Variants in EPHA6 observed in about 807,000 individuals in gnomAD.
EPHA6 encodes the protein EPH receptor A6.
In EPHA6, 50 loss-of-function variants were observed where a neutral mutation model predicts 112.0. The observed-to-expected ratio is 0.45, with a 90% CI of 0.36 to 0.56. The LOEUF is 0.56. Ranked by LOEUF, EPHA6 falls within the 20% of genes least tolerant of loss-of-function variation. EPHA6 has a pLI of 0.00. For missense variants in EPHA6, 1,280 were observed against 1,417.4 expected, an observed-to-expected ratio of 0.90 and a Z score of 1.56; for synonymous variants, 529 against 490.7, an observed-to-expected ratio of 1.08 and a Z score of -1.03.
chr3:97,208,288 G>C (rs1046306222), intron 3 of EPHA6, among the ~76,000 whole-genome samples: 12 of 152,088 alleles, frequency 7.9e-5, no homozygotes, highest in Non-Finnish European at 1.5e-4. Flanking sequence ...GTTGATCAAA[G>C]TTTTGGCAAG....
intron 10 of EPHA6, among the ~76,000 whole-genome samples, chr3:97,491,606 T>C (rs1158756024): frequency 7.9e-6 from 1 of 125,894 alleles, no homozygotes; most frequent in Non-Finnish European, 1.6e-5. Context: ...AGTCTCTCCT[T>C]GTAAGGGTAT....
chr3:97,677,497 G>A (rs1160206115), intron 14 of EPHA6, among the ~76,000 whole-genome samples: 1 of 151,938 alleles, frequency 6.6e-6, no homozygotes, highest in Non-Finnish European at 1.5e-5. Context: ...AAGGTGGGCG[G>A]ATCACCTGAG....
chr3:97,735,790 ATT>A (rs2035226877), intron 15 of EPHA6, 133 bp from the exon 16 acceptor site: 1 of 580,822 alleles, frequency 1.7e-6, no homozygotes, highest in Non-Finnish European at 2.9e-6. Context: ...ATTTATCCTT[ATT>A]TAGGTCCTTG....
intron 3 of EPHA6, among the ~76,000 whole-genome samples, chr3:97,033,553 G>A (rs1224603982): frequency 6.6e-6 from 1 of 151,940 alleles, no homozygotes; most frequent in Non-Finnish European, 1.5e-5. Context: ...CTCATAAAAA[G>A]TGGTAGCTGT....
At chr3:96,839,803 A>C (rs2034628791) in intron 1 of EPHA6, among the ~76,000 whole-genome samples, 1 of 152,080 alleles carries the variant, frequency 6.6e-6, no homozygotes, top group African/African-American at 2.4e-5. Flanking sequence ...GATGTTGTAG[A>C]TACTTACTAG....
intron 3 of EPHA6, among the ~76,000 whole-genome samples, chr3:97,069,074 C>G (rs915071844): frequency 1.8e-4 from 27 of 152,052 alleles, no homozygotes; most frequent in Admixed American, 1.8e-3. Flanking sequence ...GGTGCTGTTG[C>G]CTGCACAGTT....
At chr3:97,145,663 T>C (rs529705399) in intron 3 of EPHA6, among the ~76,000 whole-genome samples, 1 of 151,862 alleles carries the variant, frequency 6.6e-6, no homozygotes, top group South Asian at 2.1e-4. Context: ...CAATTCTCAA[T>C]GAGTCTTGAA....
At chr3:96,939,067 C>CT (rs1196541079) in intron 2 of EPHA6, among the ~76,000 whole-genome samples, 1 of 152,076 alleles carries the variant, frequency 6.6e-6, no homozygotes, top group African/African-American at 2.4e-5. Flanking sequence ...CTAAAATTCT[C>CT]TTTTTTGGTT....
chr3:97,079,333 C>A (rs1415868307), intron 3 of EPHA6, among the ~76,000 whole-genome samples: 1 of 152,000 alleles, frequency 6.6e-6, no homozygotes, highest in Non-Finnish European at 1.5e-5. Context: ...TTATCCTTAG[C>A]AAACTAACAC....
intron 16 of EPHA6, among the ~76,000 whole-genome samples, chr3:97,742,934 G>A (rs775087141): frequency 2.0e-5 from 3 of 151,984 alleles, no homozygotes; most frequent in Non-Finnish European, 4.4e-5. Flanking sequence ...CCTGAGTCAC[G>A]AGATGAGGAA....
At chr3:96,903,672 C>T (rs2038748504) in intron 2 of EPHA6, among the ~76,000 whole-genome samples, 1 of 152,022 alleles carries the variant, frequency 6.6e-6, no homozygotes, top group African/African-American at 2.4e-5. Flanking sequence ...ATCTAGGCAA[C>T]CTACGGAATG....
intron 1 of EPHA6, among the ~76,000 whole-genome samples, chr3:96,851,990 A>G (rs2035418127): frequency 6.6e-6 from 1 of 152,040 alleles, no homozygotes; most frequent in Admixed American, 6.5e-5. Context: ...TTAATGAATA[A>G]ATACAGTACA....
intron 3 of EPHA6, among the ~76,000 whole-genome samples, chr3:97,076,792 T>G (rs1240328317): frequency 6.6e-6 from 1 of 152,080 alleles, no homozygotes. Context: ...TTCCAAAGAT[T>G]CTAGGACCCT....
intron 1 of EPHA6, among the ~76,000 whole-genome samples, chr3:96,862,810 T>C (rs1021783311): frequency 2.0e-5 from 3 of 151,986 alleles, no homozygotes; most frequent in Non-Finnish European, 4.4e-5. Context: ...ATCATAACTT[T>C]CAGATTTAAT....
At chr3:96,879,059 A>C (rs2037146173) in intron 2 of EPHA6, among the ~76,000 whole-genome samples, 1 of 152,052 alleles carries the variant, frequency 6.6e-6, no homozygotes, top group Non-Finnish European at 1.5e-5. Context: ...TGCCTAATTT[A>C]ATTGAAATAT....
At chr3:97,054,884 A>AAGGGTAATG in intron 3 of EPHA6, among the ~76,000 whole-genome samples, 1 of 152,082 alleles carries the variant, frequency 6.6e-6, no homozygotes, top group South Asian at 2.1e-4. Context: ...AAACCTTTCC[A>AAGGGTAATG]AGGGTAATGA....
rs759008262 is a variant in EPHA6, at chr3:97,448,560, T to C, written c.1732-8T>C. 6.2e-7 allele frequency: 1 copy of C among 1,612,356 alleles called. No homozygotes were observed. Among genetic ancestry groups the C allele is most frequent in the Non-Finnish European group, 8.5e-7 (1 of 1,178,996 alleles). ...TCATTTCCTTTCTCCTTTTTTTCTG[T>C]CCCCCAGGAACATGAGCAGCTGACC... is the stretch of plus-strand genomic sequence containing the variant. On this transcript the variant is annotated splice_polypyrimidine_tract_variant and splice_region_variant and intron_variant, in intron 6 of 17. Transcript: ENST00000389672.
intron 14 of EPHA6, among the ~76,000 whole-genome samples, chr3:97,643,733 G>A (rs2094031247): frequency 6.6e-6 from 1 of 151,956 alleles, no homozygotes; most frequent in South Asian, 2.1e-4. Context: ...AACAAGAAGA[G>A]CTAACTATCC....
intron 6 of EPHA6, among the ~76,000 whole-genome samples, chr3:97,415,369 G>A (rs763414747): frequency 5.3e-5 from 8 of 151,950 alleles, no homozygotes; most frequent in Non-Finnish European, 1.2e-4. Flanking sequence ...AGATGTATTG[G>A]TTTGTAATTC....
Sources: allele counts gnomAD v4.1 joint callset (sites outside exome capture counted in the v4.1 genomes callset), GRCh38; gene constraint gnomAD v4.1.1; transcripts MANE v1.5; gene names NCBI Gene and HGNC (gene_info 2026-07-23, HGNC 2026-07-21).